GALNT13: variants seen among roughly 807,000 people sequenced by gnomAD.
The protein encoded by GALNT13 is UDP-GalNAc:polypeptide N-acetylgalactosaminyltransferase 13.
Under a neutral mutation model 64.2 loss-of-function variants are expected in GALNT13, and 28 were observed. That is an observed-to-expected ratio of 0.44 (90% CI 0.32 to 0.60). GALNT13 has a LOEUF of 0.60. Among genes scored for constraint, GALNT13 ranks in the 20% least tolerant of loss-of-function variants. GALNT13 has a pLI of 0.05. For synonymous variants in GALNT13, 214 were observed against 224.6 expected (o/e 0.95, Z 0.42); for missense variants, 577 against 669.8 (o/e 0.86, Z 1.53).
chr2:154,088,635 T>G (rs949168462), intron 3 of GALNT13, among the ~76,000 whole-genome samples: 3 of 152,072 alleles, frequency 2.0e-5, no homozygotes, highest in Non-Finnish European at 4.4e-5. Context: ...GTATTTTTAG[T>G]AGAGATGGGG....
chr2:154,111,805 G>A (rs919468984), intron 3 of GALNT13, among the ~76,000 whole-genome samples: 4 of 152,092 alleles, frequency 2.6e-5, no homozygotes, highest in African/African-American at 9.7e-5. Context: ...CACCTAGTTG[G>A]CATTGTAATT....
intron 4 of GALNT13, among the ~76,000 whole-genome samples, chr2:154,154,006 A>G (rs1378279856): frequency 2.6e-5 from 4 of 152,150 alleles, no homozygotes; most frequent in Non-Finnish European, 5.9e-5. Flanking sequence ...AAATGCAGAA[A>G]TCACCCATCT....
At chr2:153,248,293 A>G in the GALNT13 span, among the ~76,000 whole-genome samples, 4 of 152,266 alleles carry the variant, frequency 2.6e-5, no homozygotes, top group South Asian at 8.3e-4. Context: ...CCCTGATGAA[A>G]ATCGATGTGA....
chr2:153,236,255 A>G, the GALNT13 span, among the ~76,000 whole-genome samples: 8 of 152,186 alleles, frequency 5.3e-5, no homozygotes, highest in African/African-American at 1.9e-4. Flanking sequence ...TGAAGCAGCA[A>G]ATGCTGACAT....
the GALNT13 span, among the ~76,000 whole-genome samples, chr2:153,585,558 T>A: frequency 6.6e-6 from 1 of 152,170 alleles, no homozygotes; most frequent in Admixed American, 6.5e-5. Flanking sequence ...GATGTAGACA[T>A]CTACATACAG....
chr2:153,320,803 G>A, the GALNT13 span, among the ~76,000 whole-genome samples: 64 of 152,112 alleles, frequency 4.2e-4, 1 homozygote, highest in Non-Finnish European at 1.0e-4. Context: ...AAAGATAAAA[G>A]AGAATGATTA....
chr2:154,080,956 T>C (rs1171941409), intron 3 of GALNT13, among the ~76,000 whole-genome samples: 1 of 151,578 alleles, frequency 6.6e-6, no homozygotes, highest in Non-Finnish European at 1.5e-5. Flanking sequence ...TTTTGTGTTT[T>C]TCATGGCCTG....
chr2:153,328,776 C>T, the GALNT13 span, among the ~76,000 whole-genome samples: 2 of 151,992 alleles, frequency 1.3e-5, no homozygotes, highest in African/African-American at 2.4e-5. Context: ...CAAGACCACT[C>T]GGCTCCCTAG....
chr2:153,649,207 C>A, the GALNT13 span, among the ~76,000 whole-genome samples: 1 of 152,146 alleles, frequency 6.6e-6, no homozygotes, highest in Non-Finnish European at 1.5e-5. Flanking sequence ...GTGTATGTTT[C>A]AAGGAATTTA....
intron 2 of GALNT13, among the ~76,000 whole-genome samples, chr2:153,940,309 G>T (rs1691246691): frequency 1.3e-5 from 2 of 149,798 alleles, no homozygotes; most frequent in Non-Finnish European, 3.0e-5. Flanking sequence ...CCAGGCTGGG[G>T]TGCAATGGTA....
chr2:154,248,624 T>G (rs1434790178), intron 7 of GALNT13, among the ~76,000 whole-genome samples: 1 of 152,146 alleles, frequency 6.6e-6, no homozygotes, highest in Non-Finnish European at 1.5e-5. Context: ...ACTTTAAAAA[T>G]GAGATATTTT....
At chr2:154,056,044 T>C (rs1699877706) in intron 3 of GALNT13, among the ~76,000 whole-genome samples, 1 of 152,246 alleles carries the variant, frequency 6.6e-6, no homozygotes, top group East Asian at 1.9e-4. Context: ...GAATTACTGA[T>C]CCCTCATAAA....
At chr2:153,419,985 G>C in the GALNT13 span, among the ~76,000 whole-genome samples, 1 of 152,094 alleles carries the variant, frequency 6.6e-6, no homozygotes, top group Non-Finnish European at 1.5e-5. Context: ...ACAAAATTAT[G>C]AATGTGAAGA....
At chr2:154,397,154 G>A (rs1574232061) in intron 10 of GALNT13, among the ~76,000 whole-genome samples, 1 of 152,138 alleles carries the variant, frequency 6.6e-6, no homozygotes, top group East Asian at 1.9e-4. Context: ...GCAATAAATA[G>A]GCCGGGAGCA....
chr2:153,803,664 C>T, the GALNT13 span, among the ~76,000 whole-genome samples: 1 of 139,576 alleles, frequency 7.2e-6, no homozygotes, highest in Non-Finnish European at 1.5e-5. Context: ...TGCACTCCAG[C>T]CTGGGCGACA....
At chr2:153,223,777 G>A in the GALNT13 span, among the ~76,000 whole-genome samples, 4 of 151,872 alleles carry the variant, frequency 2.6e-5, no homozygotes, top group Non-Finnish European at 5.9e-5. Context: ...TGGCCAACAT[G>A]GTGAAATCCC....
intron 4 of GALNT13, among the ~76,000 whole-genome samples, chr2:154,190,795 C>CA (rs1161917146): frequency 6.6e-6 from 1 of 151,962 alleles, no homozygotes; most frequent in Non-Finnish European, 1.5e-5. Flanking sequence ...GTAATCACTT[C>CA]AAAAAAGGAA....
the GALNT13 span, chr2:153,356,468 A>G: frequency 6.6e-6 from 1 of 152,202 alleles, no homozygotes; most frequent in Non-Finnish European, 1.5e-5. Flanking sequence ...TTAGTGAGGG[A>G]TACACTAGAA....
At chr2:154,336,365 A>G (rs1695445869) in intron 9 of GALNT13, among the ~76,000 whole-genome samples, 1 of 152,028 alleles carries the variant, frequency 6.6e-6, no homozygotes, top group African/African-American at 2.4e-5. Context: ...AGAATTAGAA[A>G]CCATGCCCAT....
Sources: allele counts gnomAD v4.1 joint callset (sites outside exome capture counted in the v4.1 genomes callset), GRCh38; gene constraint gnomAD v4.1.1; transcripts MANE v1.5; gene names NCBI Gene and HGNC (gene_info 2026-07-23, HGNC 2026-07-21).